SCN1A: variants seen among roughly 807,000 people sequenced by gnomAD.
SCN1A encodes the protein sodium voltage-gated channel alpha subunit 1.
In SCN1A, 13 loss-of-function variants were observed where a neutral mutation model predicts 193.7. That is an observed-to-expected ratio of 0.07 (90% CI 0.04 to 0.11). SCN1A has a LOEUF of 0.11. Ranked by LOEUF, SCN1A falls within the 10% of genes least tolerant of loss-of-function variation. SCN1A has a pLI of 1.00. For missense variants in SCN1A, 1,432 were observed against 2,451.1 expected (o/e 0.58, Z 8.78); for synonymous variants, 781 against 843.6 (o/e 0.93, Z 1.29).
In SCN1A at chr2:166,036,432, A is replaced by G. The variant is rs1574171647; in HGVS notation, c.3045T>C (p.Ala1015=). ...DDNEMNNLQI[A]VDRMHKGVAY... ...CTACTCCTTTGTGCATCCTATCCAC[A>G]GCAATTTGGAGATTATTCATTTCAT... Residue 1015 remains alanine (A), a synonymous_variant, in exon 19 of 29, where the codon GCT becomes GCC. Coordinates refer to ENST00000674923, the MANE Select transcript of SCN1A (RefSeq NM_001165963.4). The G allele has an allele frequency of 1.2e-6, 2 of 1,606,924 alleles. No homozygotes were observed. The highest frequency in any genetic ancestry group is 1.7e-6 in the Non-Finnish European group (2 of 1,177,976).
chr2:166,043,588 C>G (rs1697404092), intron 14 of SCN1A, 81 bp downstream of exon 14: 6 of 1,466,260 alleles, frequency 4.1e-6, no homozygotes, highest in Non-Finnish European at 3.7e-6. Flanking sequence ...GAATCATTCT[C>G]AAGGTTGCCG....
At chr2:166,129,930 C>T (rs942633407), upstream of SCN1A, among the ~76,000 whole-genome samples, 1 of 152,044 alleles carries the variant, frequency 6.6e-6, no homozygotes, top group African/African-American at 2.4e-5. Flanking sequence ...CTGACCTGGT[C>T]AAAGAGAGCC....
intron 1 of SCN1A, 75 bp from the exon 2 acceptor site, chr2:166,127,085 A>G (rs1484232633): frequency 3.3e-5 from 5 of 152,242 alleles, no homozygotes; most frequent in Admixed American, 3.3e-4. Flanking sequence ...CCTCTGTCTA[A>G]GTAAAAGTAA....
At chr2:166,023,260 T>G (rs1399807790) in intron 19 of SCN1A, among the ~76,000 whole-genome samples, 1 of 152,230 alleles carries the variant, frequency 6.6e-6, no homozygotes, top group Non-Finnish European at 1.5e-5. Context: ...ATTTCTGAAT[T>G]GACTATTCCA....
chr2:166,040,677 T>A (rs1402397240), intron 16 of SCN1A, among the ~76,000 whole-genome samples: 1 of 152,200 alleles, frequency 6.6e-6, no homozygotes, highest in Non-Finnish European at 1.5e-5. Flanking sequence ...AAGGAAAAAT[T>A]AAGTGGCAAT....
intron 2 of SCN1A, among the ~76,000 whole-genome samples, chr2:166,085,998 T>C (rs1395273478): frequency 6.6e-6 from 1 of 152,128 alleles, no homozygotes; most frequent in African/African-American, 2.4e-5. Flanking sequence ...CTGTATGTTA[T>C]TTATCATTTA....
chr2:166,039,720 T>A, intron 16 of SCN1A, 124 bp from the exon 17 acceptor site: 1 of 849,932 alleles, frequency 1.2e-6, no homozygotes, highest in Non-Finnish European at 1.9e-6. Context: ...CTTAAATTTG[T>A]ATGGCAATTT....
intron 14 of SCN1A, among the ~76,000 whole-genome samples, chr2:166,042,769 T>C (rs1478151537): frequency 6.6e-6 from 1 of 152,228 alleles, no homozygotes; most frequent in Non-Finnish European, 1.5e-5. Context: ...TTAAAAGTCC[T>C]ACAAGTGATC....
chr2:166,104,868 A>C (rs1222972298), intron 2 of SCN1A, among the ~76,000 whole-genome samples: 1 of 152,246 alleles, frequency 6.6e-6, no homozygotes, highest in Non-Finnish European at 1.5e-5. Flanking sequence ...TGTTGCCAGT[A>C]TGCTGTTGTA....
chr2:166,094,066 A>C (rs189606238), intron 2 of SCN1A, among the ~76,000 whole-genome samples: 192 of 152,112 alleles, frequency 1.3e-3, no homozygotes, highest in African/African-American at 4.2e-3. Context: ...CACACACACA[A>C]AAATGATCTT....
At position 166,025,835 on chromosome 2, in the gene SCN1A, T is replaced by G. The variant is rs573085357; in HGVS notation, c.3430-10108A>C. Among the ~76,000 whole-genome samples the G allele has an allele frequency of 7.2e-5, 11 of 152,322 alleles. No individual in the cohort carries two copies. The East Asian group carries it at 2.1e-3, about 29-fold the overall frequency. On this transcript the variant is annotated intron_variant, in intron 19 of 28. Transcript: ENST00000674923. ...AGGTTCTTTCATCCCTTCTTAATCA[T>G]ATTAGTAATATTAAGTCATATTAAT...
At chr2:166,065,266 C>A (rs13396882) in intron 4 of SCN1A, among the ~76,000 whole-genome samples, 1 of 151,982 alleles carries the variant, frequency 6.6e-6, no homozygotes, top group African/African-American at 2.4e-5. Context: ...AAGCTGCTGG[C>A]TTGGAAAGAG....
chr2:166,015,838 A>C, intron 19 of SCN1A, 111 bp from the exon 20 acceptor site: 1 of 1,204,954 alleles, frequency 8.3e-7, no homozygotes, highest in Non-Finnish European at 1.2e-6. Context: ...TGAGGTAGAG[A>C]TATTTTTAGA....
chr2:165,987,574 G>C lies in SCN1A; in HGVS notation c.*3671C>G, dbSNP rs1180924021. 1.3e-5 allele frequency: 2 copies of C among 152,024 alleles called. No individual in the cohort carries two copies. Among genetic ancestry groups the C allele is most frequent in the African/African-American group, 4.8e-5 (2 of 41,402 alleles). The allele number at this position is 152,024 out of a possible 1,614,324, so 9.4% of individuals were successfully genotyped here. A position where few individuals can be genotyped will look rare whatever the true frequency, so the allele number is the denominator to read the frequency against. ...TACTTTTCCTTATTTACTTACATCA[G>C]TATGTATTTGCTGATTCTTATTCAA... On this transcript the variant is annotated 3_prime_UTR_variant, in exon 29 of 29. Coordinates refer to ENST00000674923, the MANE Select transcript of SCN1A (RefSeq NM_001165963.4).
At chr2:166,088,800 T>C (rs1301266344) in intron 2 of SCN1A, among the ~76,000 whole-genome samples, 2 of 151,998 alleles carry the variant, frequency 1.3e-5, no homozygotes, top group Non-Finnish European at 2.9e-5. Context: ...GTTCTCTAGG[T>C]AGAGTGTTGC....
intron 28 of SCN1A, chr2:165,993,590 A>G (rs1481445814): frequency 6.4e-6 from 1 of 155,382 alleles, no homozygotes; most frequent in African/African-American, 2.4e-5. Flanking sequence ...TCCCTTGTGC[A>G]TCATTATGAT....
intron 2 of SCN1A, among the ~76,000 whole-genome samples, chr2:166,089,914 TG>T (rs959733587): frequency 1.3e-5 from 2 of 152,116 alleles, no homozygotes; most frequent in African/African-American, 4.8e-5. Flanking sequence ...CTCAAATATA[TG>T]AGTAGTGCAT....
chr2:166,037,465 T>C (rs1287355573), intron 18 of SCN1A, among the ~76,000 whole-genome samples: 1 of 152,186 alleles, frequency 6.6e-6, no homozygotes, highest in Non-Finnish European at 1.5e-5. Flanking sequence ...CTCAATATGA[T>C]ACTCTATTGT....
At chr2:166,145,366 T>C (rs1692280007) in intron 1 of SCN1A, among the ~76,000 whole-genome samples, 1 of 152,096 alleles carries the variant, frequency 6.6e-6, no homozygotes, top group South Asian at 2.1e-4. Flanking sequence ...TACTTGAAAA[T>C]ACATATATAG....
Sources: allele counts gnomAD v4.1 joint callset (sites outside exome capture counted in the v4.1 genomes callset), GRCh38; gene constraint gnomAD v4.1.1; transcripts MANE v1.5; gene names NCBI Gene and HGNC (gene_info 2026-07-23, HGNC 2026-07-21).